The following MTA3 variants were observed in gnomAD, a reference collection of about 807,000 sequenced individuals.
MTA3 encodes the protein metastasis associated 1 family member 3.
MTA3 carries 34 observed loss-of-function variants against 83.5 expected under a neutral mutation model. The ratio of observed to expected loss-of-function variants is 0.41; its 90% CI spans 0.31 to 0.54. The LOEUF (loss-of-function observed/expected upper bound fraction) is 0.54, where lower values mean the gene tolerates loss of function less well. MTA3 is among the 20% of genes least tolerant of loss of function. The pLI is 0.33. For missense variants in MTA3, 761 were observed against 726.4 expected (o/e 1.05, Z -0.55); for synonymous variants, 303 against 252.7 (o/e 1.20, Z -1.89).
At chr2:42,633,324 C>T (rs978876388) in intron 4 of MTA3, among the ~76,000 whole-genome samples, 2 of 151,940 alleles carry the variant, frequency 1.3e-5, no homozygotes, top group African/African-American at 2.4e-5. Flanking sequence ...TGGCTCATGC[C>T]TGTAATCCCA....
At chr2:42,525,581 C>G (rs1675661813) in intron 2 of MTA3, among the ~76,000 whole-genome samples, 1 of 140,480 alleles carries the variant, frequency 7.1e-6, no homozygotes, top group African/African-American at 2.7e-5. Context: ...CTTCCTTCCC[C>G]TTCCTTCCTT....
chr2:42,681,772 A>G (rs1316748414), intron 8 of MTA3, among the ~76,000 whole-genome samples: 112 of 152,004 alleles, frequency 7.4e-4, no homozygotes, highest in Non-Finnish European at 1.5e-4. Context: ...TGGCTTCTCA[A>G]AGCGCTGGGA....
intron 14 of MTA3, among the ~76,000 whole-genome samples, chr2:42,711,770 AGG>A (rs1666629085): frequency 2.8e-5 from 1 of 35,620 alleles, no homozygotes; most frequent in South Asian, 1.7e-3. Context: ...GGGAGTGTAT[AGG>A]AGAGAGAGAG....
chr2:42,544,033 C>T (rs1177466359), intron 2 of MTA3, among the ~76,000 whole-genome samples: 1 of 152,010 alleles, frequency 6.6e-6, no homozygotes, highest in Non-Finnish European at 1.5e-5. Flanking sequence ...CCAGTCCTCC[C>T]CATGGTCATA....
intron 4 of MTA3, among the ~76,000 whole-genome samples, chr2:42,624,144 A>C (rs987645770): frequency 2.0e-5 from 3 of 152,132 alleles, no homozygotes; most frequent in Admixed American, 6.6e-5. Context: ...CTGGAAGTCA[A>C]TTATTGCCTA....
At chr2:42,752,440 C>G (rs1395247779) in intron 16 of MTA3, 1 of 353,428 alleles carries the variant, frequency 2.8e-6, no homozygotes, top group African/African-American at 2.1e-5. Flanking sequence ...AAGTAAAAAG[C>G]TTTCACAACT....
chr2:42,696,103 C>T (rs1384480767), intron 10 of MTA3, among the ~76,000 whole-genome samples: 1 of 152,140 alleles, frequency 6.6e-6, no homozygotes, highest in African/African-American at 2.4e-5. Flanking sequence ...ACTGATCCTT[C>T]ATCTCTTTGT....
chr2:42,519,750 C>A (rs1344191036), intron 2 of MTA3, among the ~76,000 whole-genome samples: 1 of 151,930 alleles, frequency 6.6e-6, no homozygotes, highest in African/African-American at 2.4e-5. Flanking sequence ...AATAAAAATT[C>A]TTTTAAAAAT....
At chr2:42,586,646 C>T (rs1483738580) in intron 3 of MTA3, among the ~76,000 whole-genome samples, 1 of 151,366 alleles carries the variant, frequency 6.6e-6, no homozygotes, top group Non-Finnish European at 1.5e-5. Flanking sequence ...GCTCCCAGCG[C>T]TTTGGCTTCC....
At chr2:42,657,073 A>T (rs949551320) in intron 7 of MTA3, among the ~76,000 whole-genome samples, 1 of 152,206 alleles carries the variant, frequency 6.6e-6, no homozygotes, top group Non-Finnish European at 1.5e-5. Flanking sequence ...TATATAGTAT[A>T]TATGATCTAG....
intron 4 of MTA3, chr2:42,613,994 A>T (rs146919310): frequency 6.6e-6 from 1 of 152,344 alleles, no homozygotes; most frequent in East Asian, 1.9e-4. Context: ...TGCAAACATT[A>T]TTAAGCACTA....
chr2:42,581,066 A>C (rs1679564278), intron 3 of MTA3, among the ~76,000 whole-genome samples: 1 of 151,414 alleles, frequency 6.6e-6, no homozygotes, highest in South Asian at 2.1e-4. Flanking sequence ...CATAAGTTAA[A>C]TTCTTACTGT....
intron 2 of MTA3, among the ~76,000 whole-genome samples, chr2:42,523,499 A>G (rs910468239): frequency 6.6e-6 from 1 of 151,966 alleles, no homozygotes; most frequent in Non-Finnish European, 1.5e-5. Flanking sequence ...AAGAAACCTG[A>G]CCCCTCAGTG....
intron 3 of MTA3, among the ~76,000 whole-genome samples, chr2:42,607,223 G>A (rs1683580115): frequency 6.6e-6 from 1 of 152,152 alleles, no homozygotes; most frequent in Non-Finnish European, 1.5e-5. Context: ...GTTCTCAAGG[G>A]ATGCAGTGAA....
chr2:42,576,923 A>G (rs1679101505), intron 2 of MTA3, among the ~76,000 whole-genome samples: 1 of 149,938 alleles, frequency 6.7e-6, no homozygotes, highest in Non-Finnish European at 1.5e-5. Context: ...CCAAAACAAA[A>G]CCACCTCTAA....
chr2:42,627,537 T>A (rs1686229958), intron 4 of MTA3, among the ~76,000 whole-genome samples: 1 of 151,912 alleles, frequency 6.6e-6, no homozygotes. Flanking sequence ...CCCCTCACAT[T>A]CTCTTTATTA....
chr2:42,701,274 C>T (rs1693836641), intron 11 of MTA3, among the ~76,000 whole-genome samples: 1 of 131,080 alleles, frequency 7.6e-6, no homozygotes, highest in Non-Finnish European at 1.6e-5. Context: ...TGCACTCCAG[C>T]CTGGGTGACC....
chr2:42,559,028 C>G (rs959965101), intron 2 of MTA3, among the ~76,000 whole-genome samples: 1 of 152,130 alleles, frequency 6.6e-6, no homozygotes, highest in Admixed American at 6.6e-5. Context: ...TCCTCTCCAC[C>G]CACACTCCCT....
At chr2:42,494,359 G>T (rs961586596), upstream of MTA3, among the ~76,000 whole-genome samples, 1 of 152,338 alleles carries the variant, frequency 6.6e-6, no homozygotes, top group Non-Finnish European at 1.5e-5. Flanking sequence ...TCAAAGCCCA[G>T]TGTGGACTCG....
Sources: gnomAD v4.1 joint callset for allele counts (sites outside exome capture counted in the v4.1 genomes callset) on GRCh38, gnomAD v4.1.1 for gene constraint, MANE v1.5 for transcripts, NCBI Gene and HGNC (gene_info 2026-07-23, HGNC 2026-07-21) for gene names.